CAPN5: variants seen among roughly 807,000 people sequenced by gnomAD.
CAPN5 encodes calpain 5.
A neutral mutation model predicts 73.0 loss-of-function variants in CAPN5; 54 were observed. That is an observed-to-expected ratio of 0.74 (90% confidence interval 0.59 to 0.93). CAPN5 has a LOEUF of 0.93. CAPN5 is among the 40% of genes least tolerant of loss of function. The pLI is 0.00. For missense variants in CAPN5, 785 were observed against 882.9 expected (o/e 0.89, Z 1.41); for synonymous variants, 335 against 356.9 (o/e 0.94, Z 0.69).
At chr11:77,087,568 T>C (rs782499733) in intron 2 of CAPN5, among the ~76,000 whole-genome samples, 2 of 152,170 alleles carry the variant, frequency 1.3e-5, no homozygotes, top group Non-Finnish European at 2.9e-5. Context: ...CACAGTGAAC[T>C]TGGCTGCAGC....
intron 1 of CAPN5, among the ~76,000 whole-genome samples, chr11:77,068,605 A>G (rs1384111079): frequency 6.6e-6 from 1 of 152,132 alleles, no homozygotes; most frequent in Non-Finnish European, 1.5e-5. Flanking sequence ...TGTGTCCAAG[A>G]AGGGCCACCT....
intron 1 of CAPN5, among the ~76,000 whole-genome samples, chr11:77,076,879 C>T (rs1175902337): frequency 6.6e-6 from 1 of 152,148 alleles, no homozygotes; most frequent in Admixed American, 6.5e-5. Context: ...TGGATTTATA[C>T]CCAGTAGTGG....
At chr11:77,120,578 A>G (rs1950511505) in intron 9 of CAPN5, 135 bp from the exon 10 acceptor site, 10 of 609,842 alleles carry the variant, frequency 1.6e-5, no homozygotes, top group Middle Eastern at 3.9e-4. Context: ...TTCTGTTATT[A>G]TAGATTTGCC....
chr11:77,115,504 C>T lies in CAPN5; in HGVS notation c.809C>T (p.Ala270Val), dbSNP rs201743777. The change falls in exon 6 of 13, where the codon GCC (alanine) becomes GTC (valine). Residue 270 changes from alanine to valine, a missense_variant. By Grantham distance (64) the Ala-to-Val change is moderately conservative (BLOSUM62 0). Coordinates refer to ENST00000648180, the MANE Select transcript of CAPN5 (RefSeq NM_004055.5). ...RKVRLGHGLL[A>V]FFKSEKLDMI... ...GTGCGCCTGGGCCACGGCCTACTGG[C>T]CTTCTTCAAGTCAGAGAAGTTGGAC... 3 of 1,613,368 alleles carry T rather than the reference C, an allele frequency of 1.9e-6. No individual in the cohort carries two copies. In the Admixed American group the frequency reaches 5.0e-5, roughly 27 times the overall value.
intron 1 of CAPN5, among the ~76,000 whole-genome samples, chr11:77,084,388 G>A (rs938981102): frequency 6.6e-6 from 1 of 152,290 alleles, no homozygotes; most frequent in Middle Eastern, 3.4e-3. Context: ...ATGCTGAGAG[G>A]GGTACCTGGG....
At chr11:77,072,492 C>A (rs1949918672) in intron 1 of CAPN5, among the ~76,000 whole-genome samples, 1 of 152,196 alleles carries the variant, frequency 6.6e-6, no homozygotes, top group Non-Finnish European at 1.5e-5. Flanking sequence ...GAATGGGGGA[C>A]ACACCTGAGC....
chr11:77,074,226 G>T (rs1472617940), intron 1 of CAPN5, among the ~76,000 whole-genome samples: 1 of 152,136 alleles, frequency 6.6e-6, no homozygotes, highest in Non-Finnish European at 1.5e-5. Flanking sequence ...TCAAGCCAGG[G>T]CTCTTCCAGT....
chr11:77,077,487 A>T (rs1949983698), intron 1 of CAPN5, among the ~76,000 whole-genome samples: 1 of 150,564 alleles, frequency 6.6e-6, no homozygotes, highest in South Asian at 2.1e-4. Flanking sequence ...TGTGGTTTTG[A>T]TTTTCATTTC....
chr11:77,116,970 G>A (rs1394394529), intron 7 of CAPN5, among the ~76,000 whole-genome samples: 1 of 152,174 alleles, frequency 6.6e-6, no homozygotes, highest in Non-Finnish European at 1.5e-5. Flanking sequence ...GGGTACAGTG[G>A]CTCATGTCTA....
chr11:77,084,554 G>A, intron 1 of CAPN5, among the ~76,000 whole-genome samples: 1 of 152,184 alleles, frequency 6.6e-6, no homozygotes, highest in East Asian at 1.9e-4. Context: ...TGTAGGGAAG[G>A]CTGGTCAAAC....
Position 77,092,636 on chromosome 11 carries a change from G to A in CAPN5, c.166-1046G>A, listed in dbSNP as rs535610768. Among the ~76,000 whole-genome samples, 4 of 152,362 alleles carry A rather than the reference G, an allele frequency of 2.6e-5. No homozygotes were observed. In the East Asian group the frequency reaches 7.7e-4, roughly 29 times the overall value. On this transcript the variant is annotated intron_variant, in intron 2 of 12. Transcript: ENST00000648180. ...TGCCCTGGCCGGATTCCCTGGCTGCGTCTCATGGAGCAGCCTCTTGGGCCG... is the reference window on the plus strand; with the variant it reads ...TGCCCTGGCCGGATTCCCTGGCTGCATCTCATGGAGCAGCCTCTTGGGCCG...
intron 2 of CAPN5, among the ~76,000 whole-genome samples, chr11:77,089,347 GT>G (rs1469670585): frequency 2.0e-5 from 3 of 152,236 alleles, no homozygotes; most frequent in African/African-American, 7.2e-5. Flanking sequence ...AGCCTCCTCT[GT>G]TTTCTCTCTG....
chr11:77,103,013 C>G lies in CAPN5; in HGVS notation c.297+9200C>G. 3 of 1,613,640 alleles carry G rather than the reference C, an allele frequency of 1.9e-6. No homozygotes were observed. In the South Asian group the frequency reaches 3.3e-5, roughly 18 times the overall value. ...AGTCTGTGTACCGCCTCAACTTCAC[C>G]CAGCAGCAGCGGCTACAGTTCGAGC... On this transcript the variant is annotated intron_variant, in intron 3 of 12. Coordinates refer to ENST00000648180, the MANE Select transcript of CAPN5 (RefSeq NM_004055.5).
chr11:77,119,138 T>C lies in CAPN5; in HGVS notation c.1276T>C (p.Phe426Leu), dbSNP rs1419802204. 2 of 1,612,366 alleles carry C rather than the reference T, an allele frequency of 1.2e-6. No individual in the cohort carries two copies. The highest frequency in any genetic ancestry group is 1.3e-5 in the African/African-American group (1 of 75,034). The change falls in exon 9 of 13, where the codon TTT (phenylalanine) becomes CTT (leucine). Residue 426 changes from phenylalanine (F) to leucine (L), a missense_variant. Coordinates refer to ENST00000648180, the MANE Select transcript of CAPN5 (RefSeq NM_004055.5). ...CAAGGGTGAGAACCTGGCCATTGGC[T>C]TTGACATCTACAAGGTGAGGCCAGC... Reference protein sequence around the residue: ...EGKGENLAIGFDIYKVEENRQ... With the variant: ...EGKGENLAIGLDIYKVEENRQ...
intron 2 of CAPN5, among the ~76,000 whole-genome samples, chr11:77,090,745 G>T (rs1248320320): frequency 6.6e-6 from 1 of 152,160 alleles, no homozygotes; most frequent in Non-Finnish European, 1.5e-5. Flanking sequence ...TCCGTATATG[G>T]AAGCCCCTCT....
At chr11:77,101,647 T>C (rs1175525879) in intron 3 of CAPN5, among the ~76,000 whole-genome samples, 9 of 152,204 alleles carry the variant, frequency 5.9e-5, no homozygotes, top group African/African-American at 1.9e-4. Flanking sequence ...GTGCTTGTGG[T>C]CCACTAGACC....
chr11:77,107,831 G>T (rs1386752559), intron 3 of CAPN5, among the ~76,000 whole-genome samples: 2 of 152,200 alleles, frequency 1.3e-5, no homozygotes, highest in Admixed American at 6.5e-5. Flanking sequence ...CTCCTCTTGG[G>T]AAGGAGGTTG....
intron 2 of CAPN5, among the ~76,000 whole-genome samples, chr11:77,086,718 C>T (rs564406759): frequency 6.6e-6 from 1 of 152,330 alleles, no homozygotes; most frequent in South Asian, 2.1e-4. Flanking sequence ...CCTCCCACTC[C>T]ATCCCCTGGC....
intron 1 of CAPN5, among the ~76,000 whole-genome samples, chr11:77,078,996 A>G (rs539853085): frequency 1.3e-5 from 2 of 152,208 alleles, no homozygotes; most frequent in Admixed American, 6.5e-5. Flanking sequence ...TTTTTAAATC[A>G]GTGAGATGAT....
Sources: allele counts gnomAD v4.1 joint callset (sites outside exome capture counted in the v4.1 genomes callset), GRCh38; gene constraint gnomAD v4.1.1; transcripts MANE v1.5; gene names NCBI Gene and HGNC (gene_info 2026-07-23, HGNC 2026-07-21).